PLOD3: variants seen among roughly 807,000 people sequenced by gnomAD.
PLOD3 encodes the protein multifunctional procollagen lysine hydroxylase and glycosyltransferase LH3.
A neutral mutation model predicts 96.9 loss-of-function variants in PLOD3; 73 were observed. The ratio of observed to expected loss-of-function variants is 0.75; its 90% CI spans 0.62 to 0.92. The LOEUF is 0.92. Among genes scored for constraint, PLOD3 ranks in the 40% least tolerant of loss-of-function variants. The probability of loss-of-function intolerance (pLI) is 0.00; values close to 1 mark genes in which losing one functional copy is unlikely to be tolerated. For missense variants in PLOD3, 1,004 were observed against 1,004.3 expected (o/e 1.00, Z 0.00); for synonymous variants, 454 against 413.7 (o/e 1.10, Z -1.18).
chr7:101,217,231 GGCAGCAGCA>G lies in PLOD3; in HGVS notation c.35_43del (p.Leu12_Leu14del), dbSNP rs760647164. The G allele has an allele frequency of 6.7e-7, 1 of 1,498,982 alleles. No individual in the cohort carries two copies. Among genetic ancestry groups the G allele is most frequent in the South Asian group, 1.3e-5 (1 of 77,970 alleles). The allele number at this position is 1,498,982 out of a possible 1,614,324, so 92.9% of individuals were successfully genotyped here. On this transcript the variant is annotated inframe_deletion, in exon 1 of 19. Coordinates refer to ENST00000223127, the MANE Select transcript of PLOD3 (RefSeq NM_001084.5). ...TGAGGCCGCAGGGGGCAGCAGCAGC[GGCAGCAGCA>G]GCAGGAACCGGGGTCCAGGCCCCGA... is the stretch of plus-strand genomic sequence containing the variant.
chr7:101,213,139 G>A lies in PLOD3; in HGVS notation c.745C>T (p.Pro249Ser). Residue 249 changes from proline (P) to serine (S), a missense_variant, in exon 7 of 19, where the codon CCC becomes TCC. Transcript: ENST00000223127. Reference protein sequence around the residue: ...RIRNVAYDTLPIVVHGNGPTK... With the variant: ...RIRNVAYDTLSIVVHGNGPTK... ...GGACCGTTTCCATGGACCACAATGG[G>A]GAGCGTGTCGTAGGCCACGTTCCGG... 1 of 1,613,514 alleles carries A rather than the reference G, an allele frequency of 6.2e-7. No homozygotes were observed. Among genetic ancestry groups the A allele is most frequent in the Non-Finnish European group, 8.5e-7 (1 of 1,179,528 alleles).
rs767277255 is a variant in PLOD3 at position 101,207,679 on chromosome 7, T to A, written c.1834A>T (p.Ile612Phe). The A allele has an allele frequency of 1.1e-5, 18 of 1,613,768 alleles. No individual in the cohort carries two copies. The highest frequency in any genetic ancestry group is 1.4e-5 in the Non-Finnish European group (17 of 1,179,914). The change falls in exon 17 of 19, where the codon ATC becomes TTC. Residue 612 changes from isoleucine to phenylalanine, a missense_variant. This residue lies in a region of PLOD3 where 222 missense variants were observed against 220.4 expected (regional missense o/e 1.01). Transcript: ENST00000223127. ...GGYENVPTVD[I>F]HMKQVGYEDQ... Reference sequence around the variant, plus strand: ...TCGTACCCCACCTGCTTCATGTGGATGTCCACGGTGGGCACATTCTCGTAG... The same window carrying A: ...TCGTACCCCACCTGCTTCATGTGGAAGTCCACGGTGGGCACATTCTCGTAG...
rs746362805 is a variant in PLOD3 at position 101,216,451 on chromosome 7, T to G, written c.297A>C (p.Lys99Asn). The G allele has an allele frequency of 4.3e-6, 7 of 1,614,030 alleles. No individual in the cohort carries two copies. In the East Asian group the frequency reaches 1.1e-4, roughly 26 times the overall value. The change falls in exon 3 of 19, where the codon AAA becomes AAC. Residue 99 changes from lysine (K) to asparagine (N), a missense_variant. Coordinates refer to ENST00000223127, the MANE Select transcript of PLOD3 (RefSeq NM_001084.5). ...TGATCATATCCTCCCGGTCAGCGTA[T>G]TTCTCCATTTCCTTCTTTAACCACC... ...KVRWLKKEME[K>N]YADREDMIIM... is the part of the protein sequence containing the mutation.
chr7:101,206,775 G>A lies in PLOD3; in HGVS notation c.2061+4C>T, dbSNP rs763461934. The A allele has an allele frequency of 1.4e-5, 22 of 1,581,094 alleles. No individual in the cohort carries two copies. The highest frequency in any genetic ancestry group is 4.6e-5 in the South Asian group (4 of 86,264). Reference sequence around the variant, plus strand: ...CGTGGGTGGGTAGTGTGACTGGGGCGCACCTCATAGTCCAGGCCCTTGTGG... The same window carrying A: ...CGTGGGTGGGTAGTGTGACTGGGGCACACCTCATAGTCCAGGCCCTTGTGG... On this transcript the variant is annotated splice_donor_region_variant and intron_variant, in intron 18 of 18. Transcript: ENST00000223127.
At chr7:101,212,150 G>A (rs1185938470) in intron 10 of PLOD3, 103 bp downstream of exon 10, 19 of 1,469,398 alleles carry the variant, frequency 1.3e-5, no homozygotes, top group East Asian at 4.5e-5. Flanking sequence ...GCCCAGGAGG[G>A]GCTGGATGGG....
chr7:101,211,723 AC>A lies in PLOD3; in HGVS notation c.1233-8del, dbSNP rs1440579640. 6.2e-7 allele frequency: 1 copy of A among 1,601,364 alleles called. No individual in the cohort carries two copies. Among genetic ancestry groups the A allele is most frequent in the Non-Finnish European group, 8.5e-7 (1 of 1,175,010 alleles). On this transcript the variant is annotated splice_region_variant and splice_polypyrimidine_tract_variant and intron_variant, in intron 11 of 18. Transcript: ENST00000223127. ...CATGGGGGCGATCACCTTCCTGCGG[AC>A]AGGTGGGGGTGAGGGCTGGGCAGAC... is the stretch of plus-strand genomic sequence containing the variant.
intron 15 of PLOD3, chr7:101,209,828 A>C: frequency 2.4e-6 from 1 of 415,564 alleles, no homozygotes; most frequent in Non-Finnish European, 4.3e-6. Context: ...GGCATGAGCC[A>C]CTGAGCCCAG....
At chr7:101,216,129 T>G in intron 4 of PLOD3, 34 bp downstream of exon 4, 1 of 1,613,866 alleles carries the variant, frequency 6.2e-7, no homozygotes, top group Non-Finnish European at 8.5e-7. Context: ...CCCACCGCTC[T>G]TGGCCCCTCT....
Position 101,210,544 on chromosome 7 carries a change from G to A in PLOD3, c.1488C>T (p.Ser496=), listed in dbSNP as rs1394852589. The A allele has an allele frequency of 6.2e-7, 1 of 1,614,176 alleles. No individual in the cohort carries two copies. Among genetic ancestry groups the A allele is most frequent in the Non-Finnish European group, 8.5e-7 (1 of 1,180,026 alleles). The stretch of plus-strand genomic sequence containing the variant: ...CACCCGCGCTCACCTTGTCTCGAAA[G>A]CTCTTACAGAAGGCCATGTCCGGGT... ...DTDPDMAFCK[S]FRDKGIFLHL... Residue 496 remains serine, a synonymous_variant, in exon 13 of 19, where the codon AGC becomes AGT. Coordinates refer to ENST00000223127, the MANE Select transcript of PLOD3 (RefSeq NM_001084.5).
chr7:101,214,022 A>C (rs937841075), intron 6 of PLOD3, among the ~76,000 whole-genome samples: 2 of 151,684 alleles, frequency 1.3e-5, no homozygotes, highest in Non-Finnish European at 2.9e-5. Flanking sequence ...TTTAGTAGAG[A>C]CTGGGTTTCA....
rs1024077221 is a variant in PLOD3 at position 101,212,115 on chromosome 7, G to A, written c.1127+138C>T. 3 of 1,210,600 alleles carry A rather than the reference G, an allele frequency of 2.5e-6. No homozygotes were observed. In the African/African-American group the frequency reaches 4.5e-5, roughly 18 times the overall value. The allele number at this position is 1,210,600 out of a possible 1,614,324, so 75.0% of individuals were successfully genotyped here. Reference sequence around the variant, plus strand: ...GGCAAGGGCAGGAGTGACAGCATGGGGGCTGCAAGGATGCGAATGGGGAGG... The same window carrying A: ...GGCAAGGGCAGGAGTGACAGCATGGAGGCTGCAAGGATGCGAATGGGGAGG... On this transcript the variant is annotated intron_variant, in intron 10 of 18. Coordinates refer to ENST00000223127, the MANE Select transcript of PLOD3 (RefSeq NM_001084.5).
At chr7:101,210,750 T>C (rs948805063) in intron 12 of PLOD3, 77 bp from the exon 13 acceptor site, 19 of 1,549,804 alleles carry the variant, frequency 1.2e-5, no homozygotes, top group Non-Finnish European at 1.6e-5. Context: ...GAAGTCCTTC[T>C]TCCCTCAGGG....
chr7:101,214,815 C>A (rs1473811706), intron 6 of PLOD3, among the ~76,000 whole-genome samples: 1 of 152,132 alleles, frequency 6.6e-6, no homozygotes, highest in Non-Finnish European at 1.5e-5. Flanking sequence ...CCGGCCCGGG[C>A]AACAGAGCGA....
Position 101,217,176 on chromosome 7 carries a change from C to G in PLOD3, c.99G>C (p.Pro33=), listed in dbSNP as rs1294023513. The part of the protein sequence containing the change: ...SASDRPRGRD[P]VNPEKLLVIT... The stretch of plus-strand genomic sequence containing the variant: ...TCCCCGGGATCTCACCTGGGTTGAC[C>G]GGGTCTCGGCCCCGGGGCCGGTCGG... The change falls in exon 1 of 19, where the codon CCG becomes CCC. Residue 33 remains proline (P), a synonymous_variant. Coordinates refer to ENST00000223127, the MANE Select transcript of PLOD3 (RefSeq NM_001084.5). 2.0e-6 allele frequency: 3 copies of G among 1,487,638 alleles called. No homozygotes were observed. Among genetic ancestry groups the G allele is most frequent in the South Asian group, 2.6e-5 (2 of 77,210 alleles). 92.2% of individuals were successfully genotyped at this position (1,487,638 alleles called of 1,614,324 possible).
chr7:101,217,362 G>T lies in PLOD3; in HGVS notation c.-88C>A. On this transcript the variant is annotated 5_prime_UTR_variant, in exon 1 of 19. Transcript: ENST00000223127. ...AGCTCCGGAGGGGAGCTCTGGAAAG[G>T]GGGCGCTCGGGCTGCTGTGCGGCCG... is the stretch of plus-strand genomic sequence containing the variant. 14 of 1,285,782 alleles carry T rather than the reference G, an allele frequency of 1.1e-5. No homozygotes were observed. The highest frequency in any genetic ancestry group is 1.4e-5 in the Non-Finnish European group (14 of 1,003,430). 79.6% of individuals were successfully genotyped at this position (1,285,782 alleles called of 1,614,324 possible).
At position 101,217,171 on chromosome 7, in the gene PLOD3, T is replaced by C. The variant is rs1798291634; in HGVS notation, c.104A>G (p.Asn35Ser). The change falls in exon 1 of 19, where the codon AAC becomes AGC. Residue 35 changes from asparagine to serine, a missense_variant. By Grantham distance (46) the Asn-to-Ser change is conservative. Around this residue, in one of 5 missense-constraint regions of PLOD3, gnomAD observed 690 missense variants for 650.2 expected, o/e 1.06. Transcript: ENST00000223127. ...GGGCCTCCCCGGGATCTCACCTGGG[T>C]TGACCGGGTCTCGGCCCCGGGGCCG... is the stretch of plus-strand genomic sequence containing the variant. Reference protein sequence around the residue: ...SDRPRGRDPVNPEKLLVITVA... With the variant: ...SDRPRGRDPVSPEKLLVITVA... The C allele has an allele frequency of 2.0e-6, 3 of 1,490,194 alleles. No homozygotes were observed. The highest frequency in any genetic ancestry group is 1.8e-6 in the Non-Finnish European group (2 of 1,121,308). The allele number at this position is 1,490,194 out of a possible 1,614,324, so 92.3% of individuals were successfully genotyped here. A position where few individuals can be genotyped will look rare whatever the true frequency, so the allele number is the denominator to read the frequency against.
At chr7:101,212,725 C>A (rs1421354792) in intron 8 of PLOD3, 70 bp from the exon 9 acceptor site, 3 of 1,604,952 alleles carry the variant, frequency 1.9e-6, no homozygotes, top group East Asian at 4.5e-5. Context: ...CCAACCTCCA[C>A]CCTGACAGGT....
At chr7:101,216,878 C>A in intron 1 of PLOD3, 92 bp from the exon 2 acceptor site, 1 of 882,388 alleles carries the variant, frequency 1.1e-6, no homozygotes, top group Non-Finnish European at 1.9e-6. Context: ...ACTTCCCTCC[C>A]TTTCTTCCTT....
intron 15 of PLOD3, 142 bp downstream of exon 15, chr7:101,209,951 G>T: frequency 1.7e-6 from 1 of 601,514 alleles, no homozygotes; most frequent in Non-Finnish European, 3.0e-6. Context: ...CTTTCTGTTC[G>T]GCCTCTGCCT....
Sources: gnomAD v4.1 joint callset for allele counts (sites outside exome capture counted in the v4.1 genomes callset) on GRCh38, gnomAD v4.1.1 for gene constraint, gnomAD v4.1.1 regional missense constraint, MANE v1.5 for transcripts, NCBI Gene and HGNC (gene_info 2026-07-23, HGNC 2026-07-21) for gene names.